The following IGFL2 variants were observed in gnomAD, a reference collection of about 807,000 sequenced individuals.
The protein encoded by IGFL2 is IGF like family member 2.
A neutral mutation model predicts 13.9 loss-of-function variants in IGFL2; 7 were observed. That is an observed-to-expected ratio of 0.51 (90% CI 0.29 to 0.95). The LOEUF is 0.95. Among genes scored for constraint, IGFL2 ranks in the 40% least tolerant of loss-of-function variants. The pLI, the probability that IGFL2 is intolerant of heterozygous loss-of-function variation, is 0.08. For synonymous variants in IGFL2, 55 were observed against 55.8 expected, an observed-to-expected ratio of 0.99 and a Z score of 0.07; for missense variants, 138 against 147.8, an observed-to-expected ratio of 0.93 and a Z score of 0.34.
the IGFL2 span, among the ~76,000 whole-genome samples, chr19:46,108,217 T>C: frequency 2.6e-5 from 4 of 151,928 alleles, no homozygotes; most frequent in African/African-American, 9.7e-5. Flanking sequence ...GGGTGGAGAC[T>C]GAAGGAACAG....
the IGFL2 span, among the ~76,000 whole-genome samples, chr19:46,100,615 A>C: frequency 6.6e-6 from 1 of 152,186 alleles, no homozygotes; most frequent in Non-Finnish European, 1.5e-5. Context: ...TGGAAAGATA[A>C]GCTATCAATT....
the IGFL2 span, among the ~76,000 whole-genome samples, chr19:46,200,473 C>CTTTTT: frequency 7.5e-6 from 1 of 134,174 alleles, no homozygotes; most frequent in African/African-American, 2.8e-5. Context: ...CACACCTGGC[C>CTTTTT]CTTTTCTTTT....
the IGFL2 span, among the ~76,000 whole-genome samples, chr19:46,200,025 C>T: frequency 3.4e-4 from 52 of 152,144 alleles, no homozygotes; most frequent in East Asian, 1.9e-4. Flanking sequence ...TACAAGCACA[C>T]GCCACCACGC....
the IGFL2 span, among the ~76,000 whole-genome samples, chr19:46,102,823 T>C: frequency 6.6e-6 from 1 of 152,070 alleles, no homozygotes; most frequent in East Asian, 1.9e-4. Flanking sequence ...CGGCAAAATA[T>C]TTTTGGGGGT....
downstream of IGFL2, among the ~76,000 whole-genome samples, chr19:46,165,418 C>T (rs1974352671): frequency 6.6e-6 from 1 of 152,226 alleles, no homozygotes; most frequent in South Asian, 2.1e-4. Flanking sequence ...CACCCCATAG[C>T]AGGTTGGCTG....
the IGFL2 span, among the ~76,000 whole-genome samples, chr19:46,200,346 G>A: frequency 6.6e-6 from 1 of 151,394 alleles, no homozygotes; most frequent in Non-Finnish European, 1.5e-5. Flanking sequence ...TCTAATTTCT[G>A]TATTTTTTGT....
At chr19:46,114,683 C>T in the IGFL2 span, among the ~76,000 whole-genome samples, 5 of 152,192 alleles carry the variant, frequency 3.3e-5, no homozygotes, top group Non-Finnish European at 7.3e-5. Context: ...CCTTCTCTCT[C>T]TCCTGCCACC....
At chr19:46,136,280 C>G in the IGFL2 span, among the ~76,000 whole-genome samples, 5 of 151,950 alleles carry the variant, frequency 3.3e-5, no homozygotes, top group East Asian at 9.7e-4. Flanking sequence ...TGGTTTCATT[C>G]TTTTTTTAAG....
chr19:46,181,858 C>A, the IGFL2 span, among the ~76,000 whole-genome samples: 1 of 152,152 alleles, frequency 6.6e-6, no homozygotes, highest in Non-Finnish European at 1.5e-5. Context: ...GCAAGGTGAA[C>A]TTGTAGGATT....
rs1342813329 is a variant in IGFL2, at chr19:46,160,789, C to T, written c.249C>T (p.Ser83=). 1.2e-6 allele frequency: 2 copies of T among 1,614,112 alleles called. No individual in the cohort carries two copies. Among genetic ancestry groups the T allele is most frequent in the South Asian group, 2.2e-5 (2 of 91,080 alleles). The stretch of plus-strand genomic sequence containing the variant: ...GCTTTGAGCTCTGCTGTCTTGATTC[C>T]TTTGGCCTCACAAACGATTTTGTTG... The part of the protein sequence containing the change: ...WPCFELCCLD[S]FGLTNDFVVK... The change falls in exon 3 of 4, where the codon TCC becomes TCT. Residue 83 remains serine, a synonymous_variant. Transcript: ENST00000377693.
At chr19:46,150,114 T>G (rs1973394116) in intron 1 of IGFL2, among the ~76,000 whole-genome samples, 1 of 152,246 alleles carries the variant, frequency 6.6e-6, no homozygotes, top group South Asian at 2.1e-4. Context: ...AATTTGCGTT[T>G]CCTTGGTAAA....
chr19:46,081,977 TCAGTTAACAC>T, the IGFL2 span, among the ~76,000 whole-genome samples: 1 of 152,268 alleles, frequency 6.6e-6, no homozygotes, highest in East Asian at 1.9e-4. Flanking sequence ...TAGTCTAGTT[TCAGTTAACAC>T]CATCATGGCT....
chr19:46,118,389 C>A, the IGFL2 span, among the ~76,000 whole-genome samples: 7 of 152,334 alleles, frequency 4.6e-5, no homozygotes, highest in African/African-American at 1.7e-4. Flanking sequence ...GGGTTTGAGG[C>A]AGCTTGCCCA....
the IGFL2 span, among the ~76,000 whole-genome samples, chr19:46,095,428 C>T: frequency 4.2e-3 from 643 of 151,962 alleles, 1 homozygote; most frequent in African/African-American, 0.014. Context: ...AGATACTAGA[C>T]CTTTGTCAGA....
At chr19:46,211,892 T>A in the IGFL2 span, among the ~76,000 whole-genome samples, 1 of 152,100 alleles carries the variant, frequency 6.6e-6, no homozygotes, top group Non-Finnish European at 1.5e-5. Flanking sequence ...CATTTCCTGC[T>A]GTCAGCAGCT....
At chr19:46,156,596 T>C (rs1226880814) in intron 1 of IGFL2, among the ~76,000 whole-genome samples, 1 of 152,050 alleles carries the variant, frequency 6.6e-6, no homozygotes, top group Non-Finnish European at 1.5e-5. Flanking sequence ...TTTAACTTAA[T>C]GAAATGAAAA....
the IGFL2 span, among the ~76,000 whole-genome samples, chr19:46,166,542 CAG>C: frequency 2.0e-5 from 3 of 152,134 alleles, no homozygotes; most frequent in Non-Finnish European, 4.4e-5. Context: ...TATCAGGAGA[CAG>C]GGTTTTGAGA....
chr19:46,136,022 T>C, the IGFL2 span, among the ~76,000 whole-genome samples: 1 of 152,192 alleles, frequency 6.6e-6, no homozygotes, highest in Non-Finnish European at 1.5e-5. Context: ...GCATTTAATA[T>C]TTTTTCTTTA....
rs1237094998 is a variant in IGFL2 at position 46,148,286 on chromosome 19, C to T, written c.8C>T (p.Pro3Leu). 8.4e-6 allele frequency: 13 copies of T among 1,551,396 alleles called. No homozygotes were observed. Among genetic ancestry groups the T allele is most frequent in the Non-Finnish European group, 8.7e-7 (1 of 1,146,880 alleles). The change falls in exon 1 of 4, where the codon CCC (proline) becomes CTC (leucine). Residue 3 changes from proline to leucine, a missense_variant. By Grantham distance (98) the Pro-to-Leu change is moderately conservative. Coordinates refer to ENST00000377693, the MANE Select transcript of IGFL2 (RefSeq NM_001135113.2). MV[P>L]RIFAPAYVSV... ...CAGCTGCTCTGAAGCTCCATGGTGC[C>T]CAGAATCTTCGGTAAGGTAACCCTT...
Sources: allele counts gnomAD v4.1 joint callset (sites outside exome capture counted in the v4.1 genomes callset), GRCh38; gene constraint gnomAD v4.1.1; transcripts MANE v1.5; gene names NCBI Gene and HGNC (gene_info 2026-07-23, HGNC 2026-07-21).